ASAP2: variants seen among roughly 807,000 people sequenced by gnomAD.
ASAP2 encodes ArfGAP with SH3 domain, ankyrin repeat and PH domain 2, also known as arf-GAP with SH3 domain, ANK repeat and PH domain-containing protein 2.
Under a neutral mutation model 131.4 loss-of-function variants are expected in ASAP2, and 45 were observed. The observed-to-expected ratio is 0.34, with a 90% CI of 0.27 to 0.44. The LOEUF (loss-of-function observed/expected upper bound fraction) is 0.44, where lower values mean the gene tolerates loss of function less well. ASAP2 is among the 20% of genes least tolerant of loss of function. The probability of loss-of-function intolerance (pLI) is 1.00; values close to 1 mark genes in which losing one functional copy is unlikely to be tolerated. For missense variants in ASAP2, 1,011 were observed against 1,297.0 expected, an observed-to-expected ratio of 0.78 and a Z score of 3.39; for synonymous variants, 510 against 503.0, an observed-to-expected ratio of 1.01 and a Z score of -0.19.
In ASAP2 at chr2:9,374,792, G is replaced by T; in HGVS notation, c.1594G>T (p.Glu532Ter). ...RKDYITAKYI[E>*]RRYARKKHAD... ...GGACTACATCACAGCCAAGTACATC[G>T]AGAGGAGATACGCAAGGAAGAAGCA... Residue 532 changes from glutamate to a stop codon, truncating the protein, a stop_gained, in exon 17 of 28, where the codon GAG becomes TAG. Transcript: ENST00000281419. LOFTEE classifies it high-confidence loss of function. The T allele has an allele frequency of 6.2e-7, 1 of 1,611,878 alleles. No homozygotes were observed. The highest frequency in any genetic ancestry group is 8.5e-7 in the Non-Finnish European group (1 of 1,179,392).
chr2:9,368,370 A>G, intron 15 of ASAP2, 55 bp from the exon 16 acceptor site: 1 of 1,443,600 alleles, frequency 6.9e-7, no homozygotes, highest in African/African-American at 1.4e-5. Context: ...GGTAATGTGT[A>G]GCAGTAGAAT....
In ASAP2 at chr2:9,400,847, C is replaced by T. The variant is rs780685891; in HGVS notation, c.2823+17C>T. The T allele has an allele frequency of 1.9e-6, 3 of 1,608,086 alleles. No homozygotes were observed. Among genetic ancestry groups the T allele is most frequent in the Non-Finnish European group, 1.7e-6 (2 of 1,175,550 alleles). On this transcript the variant is annotated intron_variant, in intron 26 of 27. Transcript: ENST00000281419. ...TCGCAGGCAGTAAGTGACGAGCCCCCTTTCCTGCCTCTCTGCTCTAGCCAG... is the reference window on the plus strand; with the variant it reads ...TCGCAGGCAGTAAGTGACGAGCCCCTTTTCCTGCCTCTCTGCTCTAGCCAG...
intron 1 of ASAP2, among the ~76,000 whole-genome samples, chr2:9,275,775 G>T (rs2148288250): frequency 6.6e-6 from 1 of 152,254 alleles, no homozygotes; most frequent in East Asian, 1.9e-4. Flanking sequence ...CAAGCTCTCT[G>T]GTAGGCACTG....
intron 16 of ASAP2, among the ~76,000 whole-genome samples, chr2:9,371,956 A>C (rs771038528): frequency 3.3e-5 from 5 of 152,224 alleles, no homozygotes; most frequent in Non-Finnish European, 5.9e-5. Context: ...CTGAGGGATC[A>C]CATTAGCAAA....
chr2:9,216,789 A>G (rs999222221), intron 1 of ASAP2, among the ~76,000 whole-genome samples: 2 of 151,748 alleles, frequency 1.3e-5, no homozygotes, highest in African/African-American at 4.8e-5. Flanking sequence ...TTTTTTGTAG[A>G]GAAGGTTTCA....
intron 6 of ASAP2, among the ~76,000 whole-genome samples, chr2:9,325,884 A>G (rs1431008908): frequency 6.6e-6 from 1 of 152,220 alleles, no homozygotes; most frequent in Non-Finnish European, 1.5e-5. Context: ...GAGCTGTACT[A>G]TATGCATGCA....
At chr2:9,388,615 C>A in intron 22 of ASAP2, 69 bp downstream of exon 22, 1 of 1,550,508 alleles carries the variant, frequency 6.4e-7, no homozygotes, top group Non-Finnish European at 8.7e-7. Context: ...AAGTTTGCAG[C>A]TGCCCTGCCT....
At position 9,327,808 on chromosome 2, in the gene ASAP2, CT is replaced by C; in HGVS notation, c.601-14del. The C allele has an allele frequency of 6.4e-7, 1 of 1,570,228 alleles. No homozygotes were observed. The highest frequency in any genetic ancestry group is 1.2e-5 in the South Asian group (1 of 83,880). ...ATTCTGCTTACTTCCATGACATTTC[CT>C]TTTCATTGTTCAACAGTATCTGCTG... On this transcript the variant is annotated splice_polypyrimidine_tract_variant and intron_variant, in intron 6 of 27. Coordinates refer to ENST00000281419, the MANE Select transcript of ASAP2 (RefSeq NM_003887.3).
Position 9,327,867 on chromosome 2 carries a change from A to G in ASAP2, c.642A>G (p.Val214=). 1 of 1,583,710 alleles carries G rather than the reference A, an allele frequency of 6.3e-7. No individual in the cohort carries two copies. Among genetic ancestry groups the G allele is most frequent in the South Asian group, 1.2e-5 (1 of 84,490 alleles). ...ACGAAATCAAGATTAAAAAGGGAGT[A>G]GATTTACTTCAGAATCTGATCAAAT... ...KVNEIKIKKG[V]DLLQNLIKYF... The change falls in exon 7 of 28, where the codon GTA becomes GTG. Residue 214 remains valine, a synonymous_variant. Transcript: ENST00000281419.
chr2:9,221,243 G>C (rs1662391522), intron 1 of ASAP2, among the ~76,000 whole-genome samples: 1 of 151,948 alleles, frequency 6.6e-6, no homozygotes, highest in African/African-American at 2.4e-5. Flanking sequence ...GTTCAATTTG[G>C]GGAGTATAGA....
chr2:9,299,863 T>C (rs769210435), intron 3 of ASAP2, among the ~76,000 whole-genome samples: 25 of 152,256 alleles, frequency 1.6e-4, no homozygotes, highest in Admixed American at 6.5e-4. Context: ...TTAATTCTTA[T>C]GACAATCCCA....
intron 1 of ASAP2, among the ~76,000 whole-genome samples, chr2:9,276,323 G>A (rs1199128445): frequency 6.6e-6 from 1 of 152,172 alleles, no homozygotes; most frequent in Non-Finnish European, 1.5e-5. Context: ...AAGACAGCAG[G>A]GGGAGGGGGA....
chr2:9,328,594 GAGA>G (rs1385422779), intron 7 of ASAP2, among the ~76,000 whole-genome samples: 5 of 152,222 alleles, frequency 3.3e-5, no homozygotes, highest in South Asian at 2.1e-4. Flanking sequence ...GTTAGTAGAG[GAGA>G]AGGAGAGGAT....
intron 1 of ASAP2, among the ~76,000 whole-genome samples, chr2:9,244,874 G>T (rs1664227536): frequency 6.6e-6 from 1 of 152,174 alleles, no homozygotes; most frequent in Non-Finnish European, 1.5e-5. Context: ...TGGTTTTATG[G>T]TTTTTATGAT....
In ASAP2 at chr2:9,206,925, T is replaced by C; in HGVS notation, c.-180T>C. On this transcript the variant is annotated 5_prime_UTR_variant, in exon 1 of 28. Coordinates refer to ENST00000281419, the MANE Select transcript of ASAP2 (RefSeq NM_003887.3). The surrounding 1 kb of genome is among the most constrained non-coding windows in gnomAD (Gnocchi z 4.0). ...GCGGACCGGCCGAGCTGCGCGGGGCTGCGCGCCGCCCCTGCTCCGCCGCCA... is the reference window on the plus strand; with the variant it reads ...GCGGACCGGCCGAGCTGCGCGGGGCCGCGCGCCGCCCCTGCTCCGCCGCCA... 1 of 364,690 alleles carries C rather than the reference T, an allele frequency of 2.7e-6. No individual in the cohort carries two copies. The highest frequency in any genetic ancestry group is 3.8e-6 in the Non-Finnish European group (1 of 265,980). The allele number at this position is 364,690 out of a possible 1,614,324, so 22.6% of individuals were successfully genotyped here.
At chr2:9,364,831 C>T (rs1373628036) in intron 15 of ASAP2, among the ~76,000 whole-genome samples, 1 of 152,190 alleles carries the variant, frequency 6.6e-6, no homozygotes, top group Admixed American at 6.5e-5. Flanking sequence ...AACTGTTATG[C>T]TCCAGGCATT....
At chr2:9,368,572 C>A in intron 16 of ASAP2, 53 bp downstream of exon 16, 3 of 1,523,280 alleles carry the variant, frequency 2.0e-6, no homozygotes, top group South Asian at 1.1e-5. Context: ...TGCCTTTGCC[C>A]GAGCCCCGGG....
At chr2:9,284,218 C>T (rs753067748) in intron 2 of ASAP2, among the ~76,000 whole-genome samples, 1 of 152,226 alleles carries the variant, frequency 6.6e-6, no homozygotes, top group Non-Finnish European at 1.5e-5. Context: ...AGACGTTATT[C>T]TGTCTACCAC....
intron 4 of ASAP2, among the ~76,000 whole-genome samples, chr2:9,318,813 A>G (rs1172020420): frequency 2.0e-5 from 3 of 152,216 alleles, no homozygotes; most frequent in African/African-American, 4.8e-5. Flanking sequence ...TTGGCACAAC[A>G]AAGTTGGTGA....
Sources: allele counts gnomAD v4.1 joint callset (sites outside exome capture counted in the v4.1 genomes callset), GRCh38; gene constraint gnomAD v4.1.1; non-coding constraint Gnocchi (gnomAD v3.1); transcripts MANE v1.5; gene names NCBI Gene and HGNC (gene_info 2026-07-23, HGNC 2026-07-21).